ASTN2: variants seen among roughly 807,000 people sequenced by gnomAD.
ASTN2 encodes astrotactin 2, also known as astrotactin-2.
In ASTN2, 54 loss-of-function variants were observed where a neutral mutation model predicts 139.8. That is an observed-to-expected ratio of 0.39 (90% CI 0.31 to 0.48). ASTN2 has a LOEUF of 0.48. Among genes scored for constraint, ASTN2 ranks in the 20% least tolerant of loss-of-function variants. The pLI, the probability that ASTN2 is intolerant of heterozygous loss-of-function variation, is 0.95. For missense variants in ASTN2, 1,565 were observed against 1,725.1 expected (o/e 0.91, Z 1.64); for synonymous variants, 756 against 719.5 (o/e 1.05, Z -0.81).
At chr9:117,039,013 C>A (rs970775790) in intron 6 of ASTN2, among the ~76,000 whole-genome samples, 2 of 152,192 alleles carry the variant, frequency 1.3e-5, no homozygotes, top group African/African-American at 2.4e-5. Context: ...AAAACTCATA[C>A]AGTCTTCCTT....
intron 13 of ASTN2, among the ~76,000 whole-genome samples, chr9:116,795,608 G>T (rs1830669238): frequency 6.6e-6 from 1 of 152,198 alleles, no homozygotes; most frequent in Non-Finnish European, 1.5e-5. Flanking sequence ...GGCATTTGAT[G>T]AAAGCACCAT....
intron 12 of ASTN2, among the ~76,000 whole-genome samples, chr9:116,808,919 A>G (rs1831096824): frequency 6.6e-6 from 1 of 152,134 alleles, no homozygotes. Context: ...TTTTCATGTT[A>G]CGGTCACTTG....
At chr9:116,515,248 G>T (rs1367049597) in intron 19 of ASTN2, among the ~76,000 whole-genome samples, 1 of 152,152 alleles carries the variant, frequency 6.6e-6, no homozygotes, top group East Asian at 1.9e-4. Context: ...CCCTGACTTT[G>T]TTCAGGGGTT....
At chr9:116,876,383 T>C (rs993364375) in intron 10 of ASTN2, among the ~76,000 whole-genome samples, 1 of 152,240 alleles carries the variant, frequency 6.6e-6, no homozygotes, top group African/African-American at 2.4e-5. Flanking sequence ...AAACTACTCG[T>C]GGTGAAGATG....
At chr9:116,839,247 A>G (rs1832115948) in intron 11 of ASTN2, among the ~76,000 whole-genome samples, 1 of 151,902 alleles carries the variant, frequency 6.6e-6, no homozygotes, top group South Asian at 2.1e-4. Flanking sequence ...TCCTGGGCTC[A>G]AGGGATCCTC....
At position 116,698,882 on chromosome 9, in the gene ASTN2, C is replaced by T. The variant is rs142715198; in HGVS notation, c.2806+26889G>A. On this transcript the variant is annotated intron_variant, in intron 16 of 22. Transcript: ENST00000313400. This position sits in a 1 kb window ranked among gnomAD's most constrained non-coding sequence, Gnocchi z 4.4. ...ATCTTCCAGTCAGTCTCTACGTGAC[C>T]AGTCAAGGTGAAGTACTAGTCGCTG... 1.9e-5 allele frequency: 31 copies of T among 1,614,078 alleles called. No homozygotes were observed. The highest frequency in any genetic ancestry group is 2.6e-5 in the Non-Finnish European group (31 of 1,180,050).
chr9:116,679,506 T>C (rs1236769741), intron 16 of ASTN2, among the ~76,000 whole-genome samples: 1 of 152,252 alleles, frequency 6.6e-6, no homozygotes, highest in East Asian at 1.9e-4. Flanking sequence ...GTAATAATTA[T>C]AATTATTATG....
At chr9:116,878,557 G>A (rs1318649337) in intron 10 of ASTN2, among the ~76,000 whole-genome samples, 1 of 152,012 alleles carries the variant, frequency 6.6e-6, no homozygotes. Context: ...TCAGGGGGCT[G>A]GGGGAGAGAC....
intron 19 of ASTN2, among the ~76,000 whole-genome samples, chr9:116,601,094 T>C (rs983701144): frequency 3.3e-5 from 5 of 152,226 alleles, no homozygotes; most frequent in Admixed American, 6.5e-5. Flanking sequence ...CTAGGAATAG[T>C]ATAGAATGCT....
At chr9:116,801,167 G>A (rs1304137394) in intron 13 of ASTN2, among the ~76,000 whole-genome samples, 5 of 152,208 alleles carry the variant, frequency 3.3e-5, no homozygotes, top group Non-Finnish European at 5.9e-5. Context: ...AAAGGAAGTA[G>A]TAGGAGGAGA....
At chr9:117,408,916 A>G (rs915257274) in intron 1 of ASTN2, among the ~76,000 whole-genome samples, 4 of 152,172 alleles carry the variant, frequency 2.6e-5, no homozygotes, top group Non-Finnish European at 5.9e-5. Context: ...GGGGTAGGGT[A>G]TGGAGTGAGG....
intron 5 of ASTN2, among the ~76,000 whole-genome samples, chr9:117,091,681 G>C (rs1587953418): frequency 6.6e-6 from 1 of 152,090 alleles, no homozygotes; most frequent in African/African-American, 2.4e-5. Flanking sequence ...AGGCCCCGGG[G>C]GAGAGGTGGA....
chr9:116,478,279 G>A (rs1257281699), intron 20 of ASTN2, among the ~76,000 whole-genome samples: 1 of 150,734 alleles, frequency 6.6e-6, no homozygotes, highest in Non-Finnish European at 1.5e-5. Flanking sequence ...AGGAAGGAAG[G>A]AAGAGAGCCA....
At chr9:117,320,161 A>G (rs1357528544) in intron 1 of ASTN2, among the ~76,000 whole-genome samples, 1 of 152,214 alleles carries the variant, frequency 6.6e-6, no homozygotes, top group Non-Finnish European at 1.5e-5. Context: ...AGCACAGAGA[A>G]AACTGAGGCT....
intron 11 of ASTN2, among the ~76,000 whole-genome samples, chr9:116,828,431 G>T (rs10123113): frequency 0.79 from 120,444 of 151,774 alleles, 47,981 homozygotes; most frequent in East Asian, 0.91. Context: ...CAATAAACGT[G>T]ATACATCACA....
chr9:117,320,516 G>A (rs960964924), intron 1 of ASTN2, among the ~76,000 whole-genome samples: 1 of 152,160 alleles, frequency 6.6e-6, no homozygotes, highest in African/African-American at 2.4e-5. Flanking sequence ...AACCTATGAG[G>A]AAATAGGTTC....
intron 10 of ASTN2, among the ~76,000 whole-genome samples, chr9:116,948,443 T>C (rs1358061804): frequency 6.6e-6 from 1 of 152,176 alleles, no homozygotes; most frequent in Non-Finnish European, 1.5e-5. Context: ...CCTAGGTCTT[T>C]GAACATGTTT....
At chr9:116,773,412 G>A (rs1345093624) in intron 13 of ASTN2, among the ~76,000 whole-genome samples, 2 of 152,178 alleles carry the variant, frequency 1.3e-5, no homozygotes, top group African/African-American at 2.4e-5. Context: ...ATTCTAAGAA[G>A]GAAATGCTGT....
intron 20 of ASTN2, among the ~76,000 whole-genome samples, chr9:116,443,082 T>A (rs1404586095): frequency 6.6e-6 from 1 of 152,018 alleles, no homozygotes; most frequent in Non-Finnish European, 1.5e-5. Context: ...AATGGTTAAG[T>A]GTGAAAGAAA....
Sources: allele counts gnomAD v4.1 joint callset (sites outside exome capture counted in the v4.1 genomes callset), GRCh38; gene constraint gnomAD v4.1.1; non-coding constraint Gnocchi (gnomAD v3.1); transcripts MANE v1.5; gene names NCBI Gene and HGNC (gene_info 2026-07-23, HGNC 2026-07-21).